LRRIQ3: variants seen among roughly 807,000 people sequenced by gnomAD.
LRRIQ3 encodes leucine-rich repeat and IQ domain-containing protein 3.
A neutral mutation model predicts 59.3 loss-of-function variants in LRRIQ3; 75 were observed. That is an observed-to-expected ratio of 1.26 (90% confidence interval 1.05 to 1.53). LRRIQ3 has a LOEUF of 1.53. Among genes scored for constraint, LRRIQ3 ranks in the 40% most tolerant of loss-of-function variants. LRRIQ3 has a pLI of 0.00. For synonymous variants in LRRIQ3, 250 were observed against 231.3 expected, an observed-to-expected ratio of 1.08 and a Z score of -0.73; for missense variants, 831 against 710.0, an observed-to-expected ratio of 1.17 and a Z score of -1.94.
chr1:74,170,807 C>T (rs535641561), intron 3 of LRRIQ3, among the ~76,000 whole-genome samples: 2 of 152,126 alleles, frequency 1.3e-5, no homozygotes, highest in East Asian at 3.9e-4. Context: ...TCCATGAACC[C>T]AGGATACCTT....
chr1:74,072,510 T>C (rs1005803927), intron 6 of LRRIQ3, among the ~76,000 whole-genome samples: 2 of 152,066 alleles, frequency 1.3e-5, no homozygotes, highest in Non-Finnish European at 2.9e-5. Flanking sequence ...TATATATTTT[T>C]TAATTGAGAG....
intron 4 of LRRIQ3, among the ~76,000 whole-genome samples, chr1:74,141,886 T>TG (rs1381978123): frequency 7.9e-5 from 12 of 151,868 alleles, no homozygotes; most frequent in Non-Finnish European, 1.6e-4. Flanking sequence ...AATTTAATCC[T>TG]GGAGAGATTA....
intron 5 of LRRIQ3, among the ~76,000 whole-genome samples, chr1:74,084,600 T>C (rs939929170): frequency 2.0e-5 from 3 of 151,706 alleles, no homozygotes; most frequent in African/African-American, 7.2e-5. Flanking sequence ...GCAGATCTTA[T>C]GTAAAACTCC....
intron 5 of LRRIQ3, among the ~76,000 whole-genome samples, chr1:74,084,751 C>T (rs919042459): frequency 1.3e-5 from 2 of 151,452 alleles, no homozygotes; most frequent in African/African-American, 4.8e-5. Flanking sequence ...AGGAATATGC[C>T]GTAAAAAGTT....
At chr1:74,068,891 C>A (rs1037807695) in intron 6 of LRRIQ3, among the ~76,000 whole-genome samples, 8 of 150,530 alleles carry the variant, frequency 5.3e-5, no homozygotes, top group Non-Finnish European at 1.0e-4. Flanking sequence ...AGAAAGGTGA[C>A]AAATTGGATG....
At chr1:74,028,103 A>G (rs963500312) in intron 7 of LRRIQ3, among the ~76,000 whole-genome samples, 5 of 152,104 alleles carry the variant, frequency 3.3e-5, no homozygotes, top group African/African-American at 1.2e-4. Flanking sequence ...AGAGGGTAGC[A>G]CAGCTTGGAA....
At chr1:74,143,036 C>G (rs190609755) in intron 4 of LRRIQ3, among the ~76,000 whole-genome samples, 1 of 152,122 alleles carries the variant, frequency 6.6e-6, no homozygotes, top group East Asian at 1.9e-4. Context: ...AAACTGCTTT[C>G]TAATAAGACT....
intron 4 of LRRIQ3, among the ~76,000 whole-genome samples, chr1:74,114,444 T>C (rs952972153): frequency 2.6e-5 from 4 of 151,954 alleles, no homozygotes; most frequent in African/African-American, 7.2e-5. Flanking sequence ...AAAGTGTATA[T>C]TGTAAGGCCT....
At chr1:74,072,344 C>T (rs984315619) in intron 6 of LRRIQ3, among the ~76,000 whole-genome samples, 2 of 152,032 alleles carry the variant, frequency 1.3e-5, no homozygotes, top group Non-Finnish European at 1.5e-5. Flanking sequence ...AGGTGAGCTT[C>T]TCTTGGAAAT....
At chr1:74,194,087 C>G (rs969754318) in intron 1 of LRRIQ3, among the ~76,000 whole-genome samples, 2 of 151,924 alleles carry the variant, frequency 1.3e-5, no homozygotes, top group Non-Finnish European at 2.9e-5. Context: ...TGCCATGGGC[C>G]GGTGCAGTGA....
chr1:74,054,185 T>G (rs1411266074), intron 6 of LRRIQ3, among the ~76,000 whole-genome samples: 1 of 152,084 alleles, frequency 6.6e-6, no homozygotes, highest in Non-Finnish European at 1.5e-5. Flanking sequence ...CCATGGAATA[T>G]TATTCAGTGC....
intron 6 of LRRIQ3, among the ~76,000 whole-genome samples, chr1:74,060,226 TCTTCTTCTTCTTCTTCTTC>T: frequency 6.9e-6 from 1 of 144,434 alleles, no homozygotes; most frequent in Non-Finnish European, 1.5e-5. Context: ...TTCTTGTTCT[TCTTCTTCTTCTTCTTCTTC>T]TTCTTCTTCT....
At chr1:74,141,776 T>C (rs551887783) in intron 4 of LRRIQ3, among the ~76,000 whole-genome samples, 2 of 151,896 alleles carry the variant, frequency 1.3e-5, no homozygotes, top group African/African-American at 4.8e-5. Context: ...TTTGGTAAAA[T>C]ATTGGGCTCA....
intron 4 of LRRIQ3, among the ~76,000 whole-genome samples, chr1:74,142,400 T>C (rs541346818): frequency 6.6e-6 from 1 of 152,054 alleles, no homozygotes; most frequent in South Asian, 2.1e-4. Flanking sequence ...CTCCTCCTAA[T>C]AGTGTTTACC....
chr1:74,087,241 A>T (rs1306770824), intron 5 of LRRIQ3, among the ~76,000 whole-genome samples: 1 of 151,978 alleles, frequency 6.6e-6, no homozygotes, highest in African/African-American at 2.4e-5. Flanking sequence ...TGTCTCATAC[A>T]TCTCTATGTT....
chr1:74,175,563 G>A (rs2100709163), intron 3 of LRRIQ3, among the ~76,000 whole-genome samples: 1 of 152,226 alleles, frequency 6.6e-6, no homozygotes, highest in South Asian at 2.1e-4. Context: ...GGTGACACAA[G>A]TAAAGTAAAA....
intron 3 of LRRIQ3, among the ~76,000 whole-genome samples, chr1:74,168,672 TTCTTC>T (rs1449751417): frequency 1.3e-5 from 2 of 152,098 alleles, no homozygotes; most frequent in Non-Finnish European, 2.9e-5. Flanking sequence ...TTTCATTGTT[TTCTTC>T]TCTTGATTTC....
chr1:74,128,107 T>C (rs1182169675), intron 4 of LRRIQ3, among the ~76,000 whole-genome samples: 1 of 152,040 alleles, frequency 6.6e-6, no homozygotes, highest in African/African-American at 2.4e-5. Context: ...GCTCCATGTA[T>C]GTGAATTGTT....
At chr1:74,068,024 C>T (rs924921077) in intron 6 of LRRIQ3, among the ~76,000 whole-genome samples, 9 of 152,108 alleles carry the variant, frequency 5.9e-5, no homozygotes, top group Non-Finnish European at 1.0e-4. Flanking sequence ...CAGCTTCTTG[C>T]CTTAGAGACA....
Sources: gnomAD v4.1 joint callset for allele counts (sites outside exome capture counted in the v4.1 genomes callset) on GRCh38, gnomAD v4.1.1 for gene constraint, MANE v1.5 for transcripts, NCBI Gene and HGNC (gene_info 2026-07-23, HGNC 2026-07-21) for gene names.